ZC3H12B: variants seen among roughly 807,000 people sequenced by gnomAD.
ZC3H12B encodes the protein probable ribonuclease ZC3H12B.
A neutral mutation model predicts 43.9 loss-of-function variants in ZC3H12B; 7 were observed. That is an observed-to-expected ratio of 0.16 (90% CI 0.09 to 0.30). The LOEUF is 0.30. Ranked by LOEUF, ZC3H12B falls within the 10% of genes least tolerant of loss-of-function variation. The pLI is 1.00. For missense variants in ZC3H12B, 475 were observed against 670.2 expected (o/e 0.71, Z 3.22); for synonymous variants, 222 against 241.7 (o/e 0.92, Z 0.76).
chrX:65,498,287 C>T (rs996131291), intron 2 of ZC3H12B, among the ~76,000 whole-genome samples: 4 of 111,865 alleles, frequency 3.6e-5, no homozygotes, highest in Non-Finnish European at 7.5e-5. Flanking sequence ...GCAGTCCTAA[C>T]GGCAGAGGGG....
At chrX:65,439,397 C>T (rs1310488105) in intron 3 of ZC3H12B, among the ~76,000 whole-genome samples, 1 of 111,503 alleles carries the variant, frequency 9.0e-6, no homozygotes, top group African/African-American at 3.3e-5. Flanking sequence ...CTGAGAGGTG[C>T]AATTCAATCT....
At chrX:65,397,190 C>T (rs1298895749) in intron 2 of ZC3H12B, among the ~76,000 whole-genome samples, 2 of 111,779 alleles carry the variant, frequency 1.8e-5, no homozygotes, top group African/African-American at 3.3e-5. Context: ...GCATTTAGCC[C>T]ATTTACATTT....
At chrX:65,282,780 T>G in the ZC3H12B span, among the ~76,000 whole-genome samples, 1 of 111,312 alleles carries the variant, frequency 9.0e-6, no homozygotes, top group South Asian at 3.8e-4. Flanking sequence ...CAGGAAGAAG[T>G]TGATTTGCAG....
the ZC3H12B span, among the ~76,000 whole-genome samples, chrX:65,344,348 G>A: frequency 9.0e-6 from 1 of 111,660 alleles, no homozygotes; most frequent in East Asian, 2.8e-4. Context: ...AACCAAAACA[G>A]AATGGTACTG....
chrX:65,316,846 T>C, the ZC3H12B span, among the ~76,000 whole-genome samples: 1 of 111,439 alleles, frequency 9.0e-6, no homozygotes, highest in Non-Finnish European at 1.9e-5. Flanking sequence ...AAAGGCACAG[T>C]GTGGAAAGTA....
chrX:65,228,957 C>G, the ZC3H12B span, among the ~76,000 whole-genome samples: 21 of 111,753 alleles, frequency 1.9e-4, no homozygotes, highest in Admixed American at 7.6e-4. Context: ...GGCCATACTG[C>G]CTAAGGTAAT....
At chrX:65,409,921 C>T (rs866151871) in intron 3 of ZC3H12B, among the ~76,000 whole-genome samples, 3 of 110,452 alleles carry the variant, frequency 2.7e-5, no homozygotes, top group Non-Finnish European at 3.8e-5. Flanking sequence ...TAATCCCTAT[C>T]AAAATGCCAA....
chrX:65,255,714 A>T, the ZC3H12B span, among the ~76,000 whole-genome samples: 1 of 112,428 alleles, frequency 8.9e-6, no homozygotes, highest in Admixed American at 9.4e-5. Context: ...AAACAGGCTA[A>T]ATGTCACAAT....
the ZC3H12B span, among the ~76,000 whole-genome samples, chrX:65,188,106 A>C: frequency 9.0e-6 from 1 of 111,330 alleles, no homozygotes; most frequent in African/African-American, 3.3e-5. Flanking sequence ...ATGACCTCCA[A>C]TTCCAGCCAT....
At chrX:65,344,108 G>A in the ZC3H12B span, among the ~76,000 whole-genome samples, 2 of 111,890 alleles carry the variant, frequency 1.8e-5, no homozygotes, top group Non-Finnish European at 3.8e-5. Flanking sequence ...AAATATCTAG[G>A]AATACTGCTA....
chrX:65,226,271 A>C, the ZC3H12B span, among the ~76,000 whole-genome samples: 1 of 111,292 alleles, frequency 9.0e-6, no homozygotes, highest in Non-Finnish European at 1.9e-5. Flanking sequence ...CAGCCAAACT[A>C]AGCTTCATAA....
the ZC3H12B span, among the ~76,000 whole-genome samples, chrX:65,161,481 T>A: frequency 8.9e-6 from 1 of 112,106 alleles, no homozygotes; most frequent in Non-Finnish European, 1.9e-5. Context: ...GATAGTTAGC[T>A]CTTCTTGTTG....
chrX:65,350,541 CTG>C, the ZC3H12B span, among the ~76,000 whole-genome samples: 1 of 111,877 alleles, frequency 8.9e-6, no homozygotes, highest in Non-Finnish European at 1.9e-5. Context: ...CAAATTGTCT[CTG>C]TTTGCAGATG....
the ZC3H12B span, among the ~76,000 whole-genome samples, chrX:65,143,008 T>G: frequency 9.0e-6 from 1 of 111,678 alleles, no homozygotes; most frequent in African/African-American, 3.2e-5. Context: ...CATAAAAATT[T>G]TAGAATTTTT....
chrX:65,407,573 G>A (rs1411345376), intron 3 of ZC3H12B, among the ~76,000 whole-genome samples: 2 of 113,681 alleles, frequency 1.8e-5, no homozygotes, highest in African/African-American at 6.3e-5. Flanking sequence ...GTTAGCGGGG[G>A]CCGCCGCGCC....
At chrX:65,176,102 C>G in the ZC3H12B span, among the ~76,000 whole-genome samples, 2 of 112,036 alleles carry the variant, frequency 1.8e-5, no homozygotes, top group Non-Finnish European at 3.8e-5. Flanking sequence ...CTCAGCAGAT[C>G]CCACACCCAC....
At chrX:65,205,602 C>T in the ZC3H12B span, among the ~76,000 whole-genome samples, 3 of 111,237 alleles carry the variant, frequency 2.7e-5, no homozygotes, top group African/African-American at 9.8e-5. Context: ...AAGCATTCCC[C>T]CTGAAAACTG....
chrX:65,403,232 A>G (rs970540797), intron 3 of ZC3H12B, among the ~76,000 whole-genome samples: 7 of 112,125 alleles, frequency 6.2e-5, no homozygotes, highest in Admixed American at 5.7e-4. Flanking sequence ...GATCAAGAAG[A>G]AAGAGTGAGC....
At chrX:65,257,406 G>A in the ZC3H12B span, among the ~76,000 whole-genome samples, 1 of 110,763 alleles carries the variant, frequency 9.0e-6, no homozygotes, top group Non-Finnish European at 1.9e-5. Flanking sequence ...TGAACAGTGA[G>A]AACACTTGGA....
Sources: gnomAD v4.1 joint callset for allele counts (sites outside exome capture counted in the v4.1 genomes callset) on GRCh38, gnomAD v4.1.1 for gene constraint, MANE v1.5 for transcripts, NCBI Gene and HGNC (gene_info 2026-07-23, HGNC 2026-07-21) for gene names.